DKK2: variants seen among roughly 807,000 people sequenced by gnomAD.
DKK2 encodes the protein dickkopf Wnt signaling pathway inhibitor 2.
Under a neutral mutation model 28.1 loss-of-function variants are expected in DKK2, and 11 were observed. The ratio of observed to expected loss-of-function variants is 0.39; its 90% CI spans 0.25 to 0.65. The LOEUF (loss-of-function observed/expected upper bound fraction) is 0.65. Among genes scored for constraint, DKK2 ranks in the 30% least tolerant of loss-of-function variants. The pLI is 0.47. For missense variants in DKK2, 326 were observed against 335.5 expected, an observed-to-expected ratio of 0.97 and a Z score of 0.22; for synonymous variants, 135 against 126.5, an observed-to-expected ratio of 1.07 and a Z score of -0.45.
chr4:106,975,396 A>T (rs1314419657), intron 1 of DKK2, among the ~76,000 whole-genome samples: 1 of 152,142 alleles, frequency 6.6e-6, no homozygotes, highest in Non-Finnish European at 1.5e-5. Context: ...TTGCTAGGCT[A>T]TTAAATACTG....
At chr4:107,003,965 T>C (rs1723399827) in intron 1 of DKK2, among the ~76,000 whole-genome samples, 1 of 152,192 alleles carries the variant, frequency 6.6e-6, no homozygotes, top group Admixed American at 6.5e-5. Flanking sequence ...GTTTGTTTCA[T>C]TTACTCTTGT....
chr4:106,950,104 CAT>C, intron 1 of DKK2, among the ~76,000 whole-genome samples: 1 of 152,244 alleles, frequency 6.6e-6, no homozygotes. Context: ...TCAGTAGATA[CAT>C]ATGTTTTGCA....
intron 1 of DKK2, among the ~76,000 whole-genome samples, chr4:106,938,500 C>G (rs1015685756): frequency 6.6e-6 from 1 of 152,108 alleles, no homozygotes; most frequent in Non-Finnish European, 1.5e-5. Context: ...TAAAAAGAGT[C>G]CAGGACCAGA....
chr4:107,021,673 C>T (rs1317758336), intron 1 of DKK2, among the ~76,000 whole-genome samples: 1 of 152,102 alleles, frequency 6.6e-6, no homozygotes, highest in African/African-American at 2.4e-5. Flanking sequence ...CCTGCCTCTT[C>T]TCACTAATAT....
At chr4:107,010,102 C>G (rs1347490492) in intron 1 of DKK2, among the ~76,000 whole-genome samples, 1 of 151,620 alleles carries the variant, frequency 6.6e-6, no homozygotes, top group African/African-American at 2.4e-5. Flanking sequence ...TTTCCTTTCA[C>G]GTAAATGAGT....
intron 1 of DKK2, among the ~76,000 whole-genome samples, chr4:106,999,668 T>G (rs1723329669): frequency 6.6e-6 from 1 of 152,202 alleles, no homozygotes; most frequent in South Asian, 2.1e-4. Context: ...TAAGTAAATT[T>G]TTTCAAATTC....
chr4:107,001,496 T>C (rs1723358671), intron 1 of DKK2, among the ~76,000 whole-genome samples: 1 of 152,188 alleles, frequency 6.6e-6, no homozygotes, highest in African/African-American at 2.4e-5. Flanking sequence ...CATTCAGGAT[T>C]GCATTAAGGA....
intron 1 of DKK2, among the ~76,000 whole-genome samples, chr4:107,001,173 C>A (rs368511698): frequency 6.6e-6 from 1 of 152,112 alleles, no homozygotes; most frequent in East Asian, 1.9e-4. Context: ...TCCAGCATCA[C>A]AAATCTGTAC....
chr4:107,017,866 C>T (rs1447153084), intron 1 of DKK2, among the ~76,000 whole-genome samples: 1 of 151,974 alleles, frequency 6.6e-6, no homozygotes, highest in East Asian at 1.9e-4. Context: ...GACTACTTAC[C>T]TTTGGAATGT....
intron 1 of DKK2, among the ~76,000 whole-genome samples, chr4:107,030,198 G>A (rs574721264): frequency 1.3e-5 from 2 of 152,146 alleles, no homozygotes; most frequent in Non-Finnish European, 2.9e-5. Context: ...ACCAAATGCT[G>A]TATCGACTGA....
intron 1 of DKK2, among the ~76,000 whole-genome samples, chr4:106,960,835 TTAAAC>T (rs1383793380): frequency 1.3e-5 from 2 of 152,160 alleles, no homozygotes; most frequent in Non-Finnish European, 2.9e-5. Context: ...TAATGAGAAA[TTAAAC>T]TATAAAATCA....
intron 1 of DKK2, among the ~76,000 whole-genome samples, chr4:107,001,056 C>T (rs745678114): frequency 5.4e-5 from 8 of 148,256 alleles, no homozygotes; most frequent in Non-Finnish European, 1.2e-4. Flanking sequence ...TCTCTTCTGA[C>T]GAAAAAAAAA....
At chr4:107,021,666 G>C (rs917611928) in intron 1 of DKK2, among the ~76,000 whole-genome samples, 8 of 152,124 alleles carry the variant, frequency 5.3e-5, no homozygotes, top group African/African-American at 1.9e-4. Flanking sequence ...CTGTGAGCCT[G>C]CCTCTTCTCA....
At chr4:106,965,297 A>T (rs1722759112) in intron 1 of DKK2, among the ~76,000 whole-genome samples, 1 of 152,140 alleles carries the variant, frequency 6.6e-6, no homozygotes, top group South Asian at 2.1e-4. Flanking sequence ...ATTTTGAGGG[A>T]CAACTAATAT....
intron 1 of DKK2, among the ~76,000 whole-genome samples, chr4:106,936,246 A>T (rs1001458964): frequency 6.6e-6 from 1 of 152,026 alleles, no homozygotes. Context: ...TATAACTAGA[A>T]TAACCAATAC....
At chr4:106,945,309 TA>T (rs774749539) in intron 1 of DKK2, among the ~76,000 whole-genome samples, 1 of 152,154 alleles carries the variant, frequency 6.6e-6, no homozygotes, top group Non-Finnish European at 1.5e-5. Context: ...GAAATGTTAA[TA>T]AGTGTCATAA....
chr4:107,009,553 C>T (rs977642745), intron 1 of DKK2, among the ~76,000 whole-genome samples: 2 of 151,700 alleles, frequency 1.3e-5, no homozygotes, highest in African/African-American at 2.4e-5. Flanking sequence ...TTTATTTTAA[C>T]ATATGTAATA....
chr4:107,020,790 C>T (rs1723680728), intron 1 of DKK2, among the ~76,000 whole-genome samples: 1 of 151,860 alleles, frequency 6.6e-6, no homozygotes, highest in Admixed American at 6.6e-5. Context: ...TCTCTGTGCG[C>T]ACATTTTAAC....
intron 1 of DKK2, among the ~76,000 whole-genome samples, chr4:107,019,581 T>C (rs1723662353): frequency 1.3e-5 from 2 of 152,102 alleles, no homozygotes; most frequent in African/African-American, 2.4e-5. Flanking sequence ...ATTAATGCTG[T>C]ATGTAGGATA....
Sources: allele counts gnomAD v4.1 joint callset (sites outside exome capture counted in the v4.1 genomes callset), GRCh38; gene constraint gnomAD v4.1.1; transcripts MANE v1.5; gene names NCBI Gene and HGNC (gene_info 2026-07-23, HGNC 2026-07-21).